The following PADI2 variants were observed in gnomAD, a reference collection of about 807,000 sequenced individuals.
PADI2 encodes the protein protein-arginine deiminase type-2.
In PADI2, 70 loss-of-function variants were observed where a neutral mutation model predicts 81.1. The observed-to-expected ratio is 0.86, with a 90% CI of 0.71 to 1.05. The LOEUF (loss-of-function observed/expected upper bound fraction) is 1.05, where lower values mean the gene tolerates loss of function less well. Among genes scored for constraint, PADI2 ranks in the 50% least tolerant of loss-of-function variants. The pLI, the probability that PADI2 is intolerant of heterozygous loss-of-function variation, is 0.00. For synonymous variants in PADI2, 338 were observed against 358.0 expected (o/e 0.94, Z 0.63); for missense variants, 853 against 889.9 (o/e 0.96, Z 0.53).
chr1:17,114,414 C>G (rs1931688170), intron 1 of PADI2, among the ~76,000 whole-genome samples: 1 of 152,182 alleles, frequency 6.6e-6, no homozygotes, highest in South Asian at 2.1e-4. Context: ...GGGGCCTGGG[C>G]TCTGCACCCC....
chr1:17,105,617 C>T (rs1427504755), intron 1 of PADI2, among the ~76,000 whole-genome samples: 2 of 152,106 alleles, frequency 1.3e-5, no homozygotes, highest in East Asian at 3.9e-4. Flanking sequence ...TGGTTTTGAA[C>T]TCCCGACCTC....
intron 5 of PADI2, among the ~76,000 whole-genome samples, 176 bp from the exon 6 acceptor site, chr1:17,092,709 G>A (rs1395879506): frequency 6.6e-6 from 1 of 151,858 alleles, no homozygotes; most frequent in Non-Finnish European, 1.5e-5. Flanking sequence ...AGTGCTTTGG[G>A]AGGTTGAGGT....
At chr1:17,076,102 T>A (rs1346271722) in intron 11 of PADI2, among the ~76,000 whole-genome samples, 1 of 152,192 alleles carries the variant, frequency 6.6e-6, no homozygotes, top group African/African-American at 2.4e-5. Context: ...AGAGGCTACC[T>A]TTTGTGTGCG....
At chr1:17,096,721 A>T (rs192137465) in intron 3 of PADI2, among the ~76,000 whole-genome samples, 1 of 152,202 alleles carries the variant, frequency 6.6e-6, no homozygotes, top group East Asian at 1.9e-4. Context: ...AGTATCAGAC[A>T]AGGTGGGGTT....
chr1:17,084,558 ACT>A, intron 8 of PADI2, 39 bp downstream of exon 8: 1 of 1,332,754 alleles, frequency 7.5e-7, no homozygotes, highest in Non-Finnish European at 1.0e-6. Flanking sequence ...GCCCTTGGCC[ACT>A]CTGCCACGCT....
chr1:17,111,421 C>T (rs1239492087), intron 1 of PADI2, among the ~76,000 whole-genome samples: 1 of 152,054 alleles, frequency 6.6e-6, no homozygotes, highest in African/African-American at 2.4e-5. Context: ...CAATGGATTA[C>T]ATGATTACAG....
chr1:17,075,290 G>C, intron 12 of PADI2: 1 of 326,244 alleles, frequency 3.1e-6, no homozygotes, highest in Non-Finnish European at 5.7e-6. Context: ...TGCCACAGGT[G>C]CATAACCTAT....
chr1:17,092,677 T>C, intron 5 of PADI2, 144 bp from the exon 6 acceptor site: 1 of 697,204 alleles, frequency 1.4e-6, no homozygotes. Context: ...GGCTGGGTGC[T>C]GTGGCTCACA....
At chr1:17,099,759 G>C (rs2101600594) in intron 3 of PADI2, among the ~76,000 whole-genome samples, 1 of 152,352 alleles carries the variant, frequency 6.6e-6, no homozygotes, top group South Asian at 2.1e-4. Context: ...CACCCACTCT[G>C]TGCCGGGCCC....
rs1557764588 is a variant in PADI2 at position 17,088,921 on chromosome 1, A to AC, written c.656-2223_656-2222insG. 7.1e-4 allele frequency among the ~76,000 whole-genome samples: 104 copies of AC among 147,178 alleles called. 2 individuals are homozygous for AC. Among genetic ancestry groups the AC allele is most frequent in the South Asian group, 3.8e-3 (17 of 4,496 alleles). On this transcript the variant is annotated intron_variant, in intron 6 of 15. Transcript: ENST00000375486. ...GACTCCATCTCAAAAAAAAAAAAAA[A>AC]AAAAAAAAAACCAAGCCTCAGAGAA...
rs1217484961 is a variant in PADI2, at chr1:17,104,431, C to CTTT, written c.276+444_276+446dup. ...TTTCACCTGTTTCTTTTTGCCTTTT[C>CTTT]TTTTTTTTTTTTTTTTTTTTTGAGA... On this transcript the variant is annotated intron_variant, in intron 2 of 15. Coordinates refer to ENST00000375486, the MANE Select transcript of PADI2 (RefSeq NM_007365.3). Among the ~76,000 whole-genome samples, 87 of 79,800 alleles carry CTTT rather than the reference C, an allele frequency of 1.1e-3. 19 individuals carry two copies. The highest frequency in any genetic ancestry group is 0.028 in the Middle Eastern group (2 of 72). The allele number at this position is 79,800 out of a possible 152,430, so 52.4% of individuals were successfully genotyped here.
Position 17,104,870 on chromosome 1 carries a change from C to T in PADI2, c.276+8G>A, listed in dbSNP as rs183511167. The stretch of plus-strand genomic sequence containing the variant: ...GGCCCGCAGAGGCTGGACTTCCCGC[C>T]GTGGTACCTTGTCACTGCTGGCCTC... On this transcript the variant is annotated splice_region_variant and intron_variant, in intron 2 of 15. Coordinates refer to ENST00000375486, the MANE Select transcript of PADI2 (RefSeq NM_007365.3). 4.1e-5 allele frequency: 64 copies of T among 1,560,754 alleles called. 1 individual carries two copies. Among genetic ancestry groups the T allele is most frequent in the Middle Eastern group, 2.3e-4 (1 of 4,390 alleles).
In PADI2 at chr1:17,072,322, G is replaced by A. The variant is rs1353933212; in HGVS notation, c.1550-831C>T. On this transcript the variant is annotated intron_variant, in intron 13 of 15. Transcript: ENST00000375486. ...AAAGATGCCCAGCTACAAGCCGGAT[G>A]TAATCTTTGAGGCTTAGGGACTCAG... 2.6e-5 allele frequency among the ~76,000 whole-genome samples: 4 copies of A among 152,362 alleles called. No homozygotes were observed. In the East Asian group the frequency reaches 7.7e-4, roughly 29 times the overall value.
At chr1:17,070,255 G>A in intron 14 of PADI2, 39 bp from the exon 15 acceptor site, 3 of 1,608,492 alleles carry the variant, frequency 1.9e-6, no homozygotes, top group Non-Finnish European at 2.5e-6. Context: ...CAGGTGAGGG[G>A]GACACACACC....
At position 17,068,436 on chromosome 1, in the gene PADI2, T is replaced by C. The variant is rs1020241551; in HGVS notation, c.*608A>G. 2.0e-5 allele frequency: 3 copies of C among 153,348 alleles called. No homozygotes were observed. The highest frequency in any genetic ancestry group is 7.2e-5 in the African/African-American group (3 of 41,450). The allele number at this position is 153,348 out of a possible 1,614,324, so 9.5% of individuals were successfully genotyped here. Reference sequence around the variant, plus strand: ...GTTTCCAGGAAGGTTCTAAGCTAACTTACTGGACCCTCAGGGAGTGGGGAG... The same window carrying C: ...GTTTCCAGGAAGGTTCTAAGCTAACCTACTGGACCCTCAGGGAGTGGGGAG... On this transcript the variant is annotated 3_prime_UTR_variant, in exon 16 of 16. Coordinates refer to ENST00000375486, the MANE Select transcript of PADI2 (RefSeq NM_007365.3).
rs2078352333 is a variant in PADI2, at chr1:17,082,578, T to A, written c.1125A>T (p.Gly375=). The change falls in exon 10 of 16, where the codon GGA becomes GGT. Residue 375 remains glycine, a synonymous_variant. Transcript: ENST00000375486. ...CCTTCACAGGGAAGTCCTTTAGGTT[T>A]CCATCTCGGGGAGAGTCCAGCACCA... ...FPVVLDSPRD[G]NLKDFPVKEL... 6.2e-7 allele frequency: 1 copy of A among 1,613,328 alleles called. No homozygotes were observed. Among genetic ancestry groups the A allele is most frequent in the Non-Finnish European group, 8.5e-7 (1 of 1,179,612 alleles).
intron 3 of PADI2, among the ~76,000 whole-genome samples, chr1:17,100,025 G>C (rs1931085140): frequency 7.3e-6 from 1 of 137,776 alleles, no homozygotes; most frequent in Non-Finnish European, 1.6e-5. Context: ...GACAGTCCCA[G>C]CCTCTCAAGA....
intron 6 of PADI2, among the ~76,000 whole-genome samples, chr1:17,089,552 G>A (rs1930601859): frequency 1.3e-5 from 2 of 152,202 alleles, no homozygotes; most frequent in African/African-American, 2.4e-5. Context: ...ACACGTTCTA[G>A]TCCGTCTGCC....
chr1:17,098,892 C>T (rs1014320104), intron 3 of PADI2, among the ~76,000 whole-genome samples: 1 of 152,216 alleles, frequency 6.6e-6, no homozygotes, highest in Non-Finnish European at 1.5e-5. Flanking sequence ...GTGTGACCTG[C>T]CCAGAGCATT....
Sources: allele counts gnomAD v4.1 joint callset (sites outside exome capture counted in the v4.1 genomes callset), GRCh38; gene constraint gnomAD v4.1.1; transcripts MANE v1.5; gene names NCBI Gene and HGNC (gene_info 2026-07-23, HGNC 2026-07-21).